TBXAS1: variants seen among roughly 807,000 people sequenced by gnomAD.
TBXAS1 encodes thromboxane-A synthase.
Under a neutral mutation model 60.7 loss-of-function variants are expected in TBXAS1, and 48 were observed. The ratio of observed to expected loss-of-function variants is 0.79; its 90% confidence interval spans 0.63 to 1.01. The LOEUF is 1.01. Among genes scored for constraint, TBXAS1 ranks in the 50% least tolerant of loss-of-function variants. The probability of loss-of-function intolerance (pLI) is 0.00; values close to 1 mark genes in which losing one functional copy is unlikely to be tolerated. For missense variants in TBXAS1, 685 were observed against 686.3 expected (o/e 1.00, Z 0.02); for synonymous variants, 287 against 269.7 (o/e 1.06, Z -0.63).
At chr7:139,873,071 A>G (rs990166073) in intron 2 of TBXAS1, among the ~76,000 whole-genome samples, 2 of 152,224 alleles carry the variant, frequency 1.3e-5, no homozygotes, top group African/African-American at 4.8e-5. Context: ...GTGATCTGTC[A>G]GGGCTAAAAT....
At chr7:139,970,745 A>G (rs1432197965) in intron 9 of TBXAS1, among the ~76,000 whole-genome samples, 1 of 152,170 alleles carries the variant, frequency 6.6e-6, no homozygotes, top group Non-Finnish European at 1.5e-5. Context: ...TATTTTCTTC[A>G]GTAATTGTTT....
intron 3 of TBXAS1, chr7:139,906,082 TTC>T: frequency 2.4e-6 from 1 of 414,422 alleles, no homozygotes; most frequent in Non-Finnish European, 4.7e-6. Flanking sequence ...TTTTTTTTTT[TTC>T]TCACTCTGTC....
rs1201269268 is a variant in TBXAS1 at position 139,972,600 on chromosome 7, C to T, written c.1134+10367C>T. ...TCTGTTGACCAAAGTCGCTTTCACA[C>T]CAGTGGAGTGGAAGCTCCAAAATGG... On this transcript the variant is annotated intron_variant, in intron 9 of 12. Coordinates refer to ENST00000448866, the MANE Select transcript of TBXAS1 (RefSeq NM_001061.7). Among the ~76,000 whole-genome samples, 5 of 152,078 alleles carry T rather than the reference C, an allele frequency of 3.3e-5. No individual in the cohort carries two copies. The East Asian group carries it at 9.6e-4, about 29-fold the overall frequency.
chr7:140,013,630 C>A lies in TBXAS1; in HGVS notation c.1227-2093C>A, dbSNP rs369970497. Among the ~76,000 whole-genome samples the A allele has an allele frequency of 1.2e-4, 18 of 152,306 alleles. No homozygotes were observed. The highest frequency in any genetic ancestry group is 4.3e-4 in the African/African-American group (18 of 41,570). On this transcript the variant is annotated intron_variant, in intron 10 of 12. Transcript: ENST00000448866. The surrounding 1 kb of genome is among the most constrained non-coding windows in gnomAD (Gnocchi z 4.2). The stretch of plus-strand genomic sequence containing the variant: ...ACTGGCAGGCCTCACGGAGGAGACC[C>A]AAGCTGGGGGACTGGAAGGTGGTTC...
intron 4 of TBXAS1, among the ~76,000 whole-genome samples, chr7:139,791,504 A>C (rs187669628): frequency 2.1e-4 from 32 of 152,350 alleles, no homozygotes; most frequent in African/African-American, 7.0e-4. Flanking sequence ...GCAGGCTGGG[A>C]AATGATCACA....
intron 3 of TBXAS1, among the ~76,000 whole-genome samples, chr7:139,784,530 G>T (rs1380552106): frequency 6.6e-6 from 1 of 152,210 alleles, no homozygotes; most frequent in Non-Finnish European, 1.5e-5. Flanking sequence ...CAGGGGAGGT[G>T]GCACGTCTGT....
chr7:139,822,287 A>G (rs1798320550), intron 4 of TBXAS1, among the ~76,000 whole-genome samples: 1 of 151,630 alleles, frequency 6.6e-6, no homozygotes, highest in African/African-American at 2.4e-5. Context: ...CTCTCTGGTT[A>G]TATCTGTTGA....
chr7:139,945,825 A>G (rs740149), intron 5 of TBXAS1, among the ~76,000 whole-genome samples: 9,175 of 152,222 alleles, frequency 0.06, 376 homozygotes, highest in Non-Finnish European at 0.089. Context: ...AGAGGGATCA[A>G]GGTGTCTTGG....
At chr7:139,901,598 G>T (rs1305760993) in intron 3 of TBXAS1, among the ~76,000 whole-genome samples, 1 of 151,988 alleles carries the variant, frequency 6.6e-6, no homozygotes, top group Non-Finnish European at 1.5e-5. Context: ...AATCAGATTG[G>T]GTCCACAATC....
At chr7:139,898,394 A>G (rs1804274645) in intron 3 of TBXAS1, among the ~76,000 whole-genome samples, 1 of 143,088 alleles carries the variant, frequency 7.0e-6, no homozygotes, top group Admixed American at 7.0e-5. Context: ...GAAAATCAGA[A>G]GTTTCCCAAC....
intron 1 of TBXAS1, among the ~76,000 whole-genome samples, chr7:139,846,785 A>T (rs73733580): frequency 4.8e-4 from 73 of 152,304 alleles, no homozygotes; most frequent in African/African-American, 1.8e-3. Flanking sequence ...AAAAATGCGT[A>T]TCAGACTTAG....
At chr7:139,832,723 A>G (rs947413653) in intron 1 of TBXAS1, among the ~76,000 whole-genome samples, 1 of 152,232 alleles carries the variant, frequency 6.6e-6, no homozygotes, top group African/African-American at 2.4e-5. Flanking sequence ...GAACCAGGTA[A>G]CCTATAAAGG....
chr7:139,809,478 A>G (rs1451945294), intron 4 of TBXAS1, among the ~76,000 whole-genome samples: 1 of 152,142 alleles, frequency 6.6e-6, no homozygotes, highest in Non-Finnish European at 1.5e-5. Context: ...TGGCTCACAA[A>G]CTATGGAGGC....
At chr7:139,849,111 T>G (rs1237044312) in intron 1 of TBXAS1, among the ~76,000 whole-genome samples, 1 of 152,152 alleles carries the variant, frequency 6.6e-6, no homozygotes, top group African/African-American at 2.4e-5. Flanking sequence ...CTTACACCTA[T>G]AATTCTTTTG....
intron 10 of TBXAS1, among the ~76,000 whole-genome samples, chr7:140,015,468 G>A (rs1392673329): frequency 6.6e-6 from 1 of 152,176 alleles, no homozygotes; most frequent in Admixed American, 6.5e-5. Context: ...GGATGGATGA[G>A]TACATTTTCA....
chr7:139,930,469 G>T (rs1807229411), intron 4 of TBXAS1, among the ~76,000 whole-genome samples: 1 of 152,310 alleles, frequency 6.6e-6, no homozygotes, highest in South Asian at 2.1e-4. Context: ...ACTGTAGAGA[G>T]GTCAAACCAG....
intron 6 of TBXAS1, among the ~76,000 whole-genome samples, chr7:139,953,783 T>C (rs758697669): frequency 1.8e-4 from 28 of 152,172 alleles, no homozygotes; most frequent in Non-Finnish European, 3.5e-4. Context: ...TCAAGAAAAA[T>C]TGTGGTGCAC....
At chr7:139,884,571 G>A (rs1280623627) in intron 3 of TBXAS1, among the ~76,000 whole-genome samples, 1 of 152,212 alleles carries the variant, frequency 6.6e-6, no homozygotes, top group Non-Finnish European at 1.5e-5. Context: ...GCAGCTTCCT[G>A]CTAAACTTCC....
chr7:139,898,823 G>A (rs772673846), intron 3 of TBXAS1, among the ~76,000 whole-genome samples: 9 of 152,086 alleles, frequency 5.9e-5, no homozygotes, highest in Non-Finnish European at 1.3e-4. Context: ...CCTCATAACG[G>A]TCTCTTTAAT....
Sources: allele counts gnomAD v4.1 joint callset (sites outside exome capture counted in the v4.1 genomes callset), GRCh38; gene constraint gnomAD v4.1.1; non-coding constraint Gnocchi (gnomAD v3.1); transcripts MANE v1.5; gene names NCBI Gene and HGNC (gene_info 2026-07-23, HGNC 2026-07-21).